The following DDX47 variants were observed in gnomAD, a reference collection of about 807,000 sequenced individuals.
DDX47 encodes the protein DEAD-box helicase 47, also known as probable ATP-dependent RNA helicase DDX47.
A neutral mutation model predicts 58.8 loss-of-function variants in DDX47; 60 were observed. The observed-to-expected ratio is 1.02, with a 90% confidence interval of 0.83 to 1.26. The LOEUF is 1.26. Ranked by LOEUF, DDX47 falls within the 50% of genes most tolerant of loss-of-function variation. DDX47 has a pLI of 0.00. For missense variants in DDX47, 530 were observed against 573.2 expected (o/e 0.92, Z 0.77); for synonymous variants, 197 against 204.6 (o/e 0.96, Z 0.32).
At position 12,829,698 on chromosome 12, in the gene DDX47, G is replaced by T; in HGVS notation, c.*144G>T. ...CTAATTCAGTATTCTTCCCCATTCT[G>T]GGTTGGAGTTTACTGCAGAGTAATT... On this transcript the variant is annotated 3_prime_UTR_variant, in exon 12 of 12. Coordinates refer to ENST00000358007, the MANE Select transcript of DDX47 (RefSeq NM_016355.4). The T allele has an allele frequency of 9.3e-7, 1 of 1,071,758 alleles. No homozygotes were observed. 66.4% of individuals were successfully genotyped at this position (1,071,758 alleles called of 1,614,324 possible).
At chr12:12,825,916 G>A in intron 9 of DDX47, 84 bp from the exon 10 acceptor site, 1 of 1,037,300 alleles carries the variant, frequency 9.6e-7, no homozygotes, top group Non-Finnish European at 1.4e-6. Flanking sequence ...TCTTTCAAAG[G>A]TTTTGCAGCA....
At chr12:12,822,486 G>A (rs1013282973) in intron 5 of DDX47, among the ~76,000 whole-genome samples, 175 bp from the exon 6 acceptor site, 2 of 151,986 alleles carry the variant, frequency 1.3e-5, no homozygotes, top group Non-Finnish European at 2.9e-5. Flanking sequence ...ATTTGGTAGG[G>A]TATCAGATAG....
Position 12,821,404 on chromosome 12 carries a change from T to A in DDX47, c.370+8T>A. On this transcript the variant is annotated splice_region_variant and intron_variant, in intron 3 of 11. Coordinates refer to ENST00000358007, the MANE Select transcript of DDX47 (RefSeq NM_016355.4). ...CTATTGGAGTGCAGAGTGGTAAGTG[T>A]CTGAGAGGGAAGGGATCCTAGGTTG... is the stretch of plus-strand genomic sequence containing the variant. 1 of 1,614,066 alleles carries A rather than the reference T, an allele frequency of 6.2e-7. No homozygotes were observed. The highest frequency in any genetic ancestry group is 8.5e-7 in the Non-Finnish European group (1 of 1,179,962).
intron 7 of DDX47, 42 bp from the exon 8 acceptor site, chr12:12,823,828 C>A (rs992930987): frequency 6.3e-7 from 1 of 1,595,482 alleles, no homozygotes; most frequent in Non-Finnish European, 8.6e-7. Context: ...AATCCTGTCT[C>A]CCAGGTTCAA....
Position 12,827,306 on chromosome 12 carries a change from T to C in DDX47, c.1167T>C (p.Phe389=). ...EHLIGKKLPG[F]PTQDDEVMML... Reference sequence around the variant, plus strand: ...TAATTGGGAAGAAACTACCAGGTTTTCCAACACAGGATGATGAGGTTATGA... The same window carrying C: ...TAATTGGGAAGAAACTACCAGGTTTCCCAACACAGGATGATGAGGTTATGA... Residue 389 remains phenylalanine (F), a synonymous_variant, in exon 11 of 12, where the codon TTT becomes TTC. Transcript: ENST00000358007. 3 of 1,614,178 alleles carry C rather than the reference T, an allele frequency of 1.9e-6. No individual in the cohort carries two copies. Among genetic ancestry groups the C allele is most frequent in the South Asian group, 1.1e-5 (1 of 91,082 alleles).
chr12:12,829,588 G>A lies in DDX47; in HGVS notation c.*34G>A, dbSNP rs1419120313. On this transcript the variant is annotated 3_prime_UTR_variant, in exon 12 of 12. Transcript: ENST00000358007. The stretch of plus-strand genomic sequence containing the variant: ...ATGAAGGCTCGAGTTCTGCTGTTCT[G>A]TAAAAGAGAATTGGAGAATGAAACC... The A allele has an allele frequency of 6.2e-7, 1 of 1,602,708 alleles. No individual in the cohort carries two copies. Among genetic ancestry groups the A allele is most frequent in the African/African-American group, 1.3e-5 (1 of 74,198 alleles).
At chr12:12,827,962 G>A (rs1366682943) in intron 11 of DDX47, among the ~76,000 whole-genome samples, 2 of 134,422 alleles carry the variant, frequency 1.5e-5, no homozygotes, top group Non-Finnish European at 3.1e-5. Context: ...CACAACCTCC[G>A]CCTCCCGGGT....
At chr12:12,826,636 G>A (rs775018142) in intron 10 of DDX47, among the ~76,000 whole-genome samples, 2 of 152,234 alleles carry the variant, frequency 1.3e-5, no homozygotes, top group Admixed American at 1.3e-4. Flanking sequence ...TTTTAGTAGA[G>A]ATAGGGTTTT....
chr12:12,821,647 C>T lies in DDX47; in HGVS notation c.371-8C>T. On this transcript the variant is annotated splice_region_variant and splice_polypyrimidine_tract_variant and intron_variant, in intron 3 of 11. Coordinates refer to ENST00000358007, the MANE Select transcript of DDX47 (RefSeq NM_016355.4). The stretch of plus-strand genomic sequence containing the variant: ...GATCTCGTCTCTATGTTCTTTTTTT[C>T]TCTGTAGCTGTGATTGTAGGTGGAA... 1.9e-6 allele frequency: 3 copies of T among 1,612,038 alleles called. No homozygotes were observed. Among genetic ancestry groups the T allele is most frequent in the Non-Finnish European group, 2.5e-6 (3 of 1,179,240 alleles).
chr12:12,821,468 G>A, intron 3 of DDX47, 72 bp downstream of exon 3: 2 of 1,561,168 alleles, frequency 1.3e-6, no homozygotes, highest in South Asian at 1.1e-5. Flanking sequence ...GAAGGAGAAT[G>A]GAGGAAAGTA....
At chr12:12,829,236 A>G (rs954529918) in intron 11 of DDX47, among the ~76,000 whole-genome samples, 187 bp from the exon 12 acceptor site, 4 of 152,216 alleles carry the variant, frequency 2.6e-5, no homozygotes, top group African/African-American at 7.2e-5. Flanking sequence ...ACCTTACTTT[A>G]GTGTTCACGT....
At chr12:12,827,436 A>C in intron 11 of DDX47, 61 bp downstream of exon 11, 1 of 1,575,660 alleles carries the variant, frequency 6.3e-7, no homozygotes, top group Non-Finnish European at 8.7e-7. Flanking sequence ...GTGCCACTTT[A>C]TTATATTAAC....
At chr12:12,826,258 A>T in intron 10 of DDX47, 188 bp downstream of exon 10, 2 of 484,192 alleles carry the variant, frequency 4.1e-6, no homozygotes, top group Non-Finnish European at 7.4e-6. Flanking sequence ...TGGAGATTAT[A>T]TATGTAAAAG....
chr12:12,815,811 G>A (rs894890329), intron 2 of DDX47, among the ~76,000 whole-genome samples: 3 of 152,130 alleles, frequency 2.0e-5, no homozygotes, highest in Non-Finnish European at 2.9e-5. Flanking sequence ...TTTGGTCTTC[G>A]TTTCATAGGC....
Position 12,829,745 on chromosome 12 carries a change from C to A in DDX47, c.*191C>A, listed in dbSNP as rs1345048944. 6 of 562,986 alleles carry A rather than the reference C, an allele frequency of 1.1e-5. No homozygotes were observed. The South Asian group carries it at 2.0e-4, about 19-fold the overall frequency. 34.9% of individuals were successfully genotyped at this position (562,986 alleles called of 1,614,324 possible). On this transcript the variant is annotated 3_prime_UTR_variant, in exon 12 of 12. Coordinates refer to ENST00000358007, the MANE Select transcript of DDX47 (RefSeq NM_016355.4). ...AATTCTTACAGTGCTGATGTCAAGACTGTTACTGTTCTTCGACTTTGATTC... is the reference window on the plus strand; with the variant it reads ...AATTCTTACAGTGCTGATGTCAAGAATGTTACTGTTCTTCGACTTTGATTC...
At chr12:12,822,122 A>C in intron 5 of DDX47, 39 bp downstream of exon 5, 72 of 1,453,226 alleles carry the variant, frequency 5.0e-5, no homozygotes, top group Non-Finnish European at 6.5e-5. Flanking sequence ...AGAGCATCTC[A>C]AGGTTCCTGT....
intron 11 of DDX47, among the ~76,000 whole-genome samples, chr12:12,828,217 TC>T (rs1863084752): frequency 6.6e-6 from 1 of 152,152 alleles, no homozygotes; most frequent in African/African-American, 2.4e-5. Flanking sequence ...ATGCCTGACC[TC>T]GTGTGACAGG....
intron 5 of DDX47, among the ~76,000 whole-genome samples, 180 bp from the exon 6 acceptor site, chr12:12,822,481 G>C (rs997830218): frequency 4.6e-5 from 7 of 151,920 alleles, no homozygotes; most frequent in African/African-American, 1.7e-4. Context: ...ATAGTATTTG[G>C]TAGGGTATCA....
Position 12,824,747 on chromosome 12 carries a change from C to G in DDX47, c.1035+70C>G, listed in dbSNP as rs776044052. The stretch of plus-strand genomic sequence containing the variant: ...TCTTAATGGACTGTCTTCTGTCTTT[C>G]CTTAGTTACAGCAGTTATTTTGTTC... On this transcript the variant is annotated intron_variant, in intron 9 of 11. Transcript: ENST00000358007. The G allele has an allele frequency of 1.5e-4, 224 of 1,497,364 alleles. 4 individuals are homozygous for G. In the Admixed American group the frequency reaches 4.4e-3, roughly 29 times the overall value. 92.8% of individuals were successfully genotyped at this position (1,497,364 alleles called of 1,614,324 possible).
Sources: allele counts gnomAD v4.1 joint callset (sites outside exome capture counted in the v4.1 genomes callset), GRCh38; gene constraint gnomAD v4.1.1; transcripts MANE v1.5; gene names NCBI Gene and HGNC (gene_info 2026-07-23, HGNC 2026-07-21).